RNLS: variants seen among roughly 807,000 people sequenced by gnomAD.
RNLS encodes renalase, FAD dependent amine oxidase.
A neutral mutation model predicts 39.8 loss-of-function variants in RNLS; 39 were observed. The ratio of observed to expected loss-of-function variants is 0.98; its 90% confidence interval spans 0.76 to 1.28. The LOEUF (loss-of-function observed/expected upper bound fraction) is 1.28, where lower values mean the gene tolerates loss of function less well. Ranked by LOEUF, RNLS falls within the 50% of genes most tolerant of loss-of-function variation. The probability of loss-of-function intolerance (pLI) is 0.00; values close to 1 mark genes in which losing one functional copy is unlikely to be tolerated. For synonymous variants in RNLS, 147 were observed against 150.7 expected, an observed-to-expected ratio of 0.98 and a Z score of 0.18; for missense variants, 410 against 413.3, an observed-to-expected ratio of 0.99 and a Z score of 0.07.
At chr10:88,264,148 A>G in the RNLS span, among the ~76,000 whole-genome samples, 1 of 152,170 alleles carries the variant, frequency 6.6e-6, no homozygotes, top group Non-Finnish European at 1.5e-5. Context: ...GAATATCATT[A>G]TTTCATTCCT....
chr10:88,407,799 T>G (rs1296922585), intron 4 of RNLS, among the ~76,000 whole-genome samples: 2 of 152,110 alleles, frequency 1.3e-5, no homozygotes, highest in African/African-American at 4.8e-5. Flanking sequence ...TTATTAGTAT[T>G]TGCTCTGTAG....
At chr10:88,280,450 T>C (rs1415686778), downstream of RNLS, among the ~76,000 whole-genome samples, 6 of 152,178 alleles carry the variant, frequency 3.9e-5, no homozygotes, top group Non-Finnish European at 7.4e-5. Flanking sequence ...TAAGATCATA[T>C]TTACGTAAAG....
At chr10:88,372,293 A>G (rs149601448) in intron 4 of RNLS, among the ~76,000 whole-genome samples, 50 of 152,156 alleles carry the variant, frequency 3.3e-4, no homozygotes, top group African/African-American at 1.1e-3. Context: ...CTGATTCCCT[A>G]TCTTTTTAAT....
At chr10:88,173,296 A>G in the RNLS span, among the ~76,000 whole-genome samples, 2 of 152,146 alleles carry the variant, frequency 1.3e-5, no homozygotes, top group African/African-American at 4.8e-5. Flanking sequence ...TTGGCTGTGA[A>G]TGCATTGACT....
chr10:88,459,466 G>T (rs1564816802), intron 4 of RNLS, among the ~76,000 whole-genome samples: 2 of 152,066 alleles, frequency 1.3e-5, no homozygotes, highest in African/African-American at 4.8e-5. Flanking sequence ...AAAGCAGTTT[G>T]CTCTTTTTGT....
intron 4 of RNLS, among the ~76,000 whole-genome samples, chr10:88,525,240 C>T (rs1009449111): frequency 1.3e-5 from 2 of 151,330 alleles, no homozygotes; most frequent in African/African-American, 4.9e-5. Flanking sequence ...GAAATATATT[C>T]TATGGAACAC....
chr10:88,190,962 C>T, the RNLS span, among the ~76,000 whole-genome samples: 1 of 152,230 alleles, frequency 6.6e-6, no homozygotes, highest in Non-Finnish European at 1.5e-5. Context: ...GGCCAAGTGA[C>T]AGGCTTGTTC....
chr10:88,323,941 C>T (rs1589552850), intron 5 of RNLS, among the ~76,000 whole-genome samples: 1 of 152,094 alleles, frequency 6.6e-6, no homozygotes, highest in East Asian at 1.9e-4. Flanking sequence ...AGATACTTCT[C>T]AAAAGAAGAC....
chr10:88,228,496 GA>G, the RNLS span, among the ~76,000 whole-genome samples: 3 of 152,190 alleles, frequency 2.0e-5, no homozygotes, highest in East Asian at 5.8e-4. Context: ...AGGACGCTGG[GA>G]AGTACCATTT....
At chr10:88,498,070 T>A (rs1252194602) in intron 4 of RNLS, among the ~76,000 whole-genome samples, 1 of 151,876 alleles carries the variant, frequency 6.6e-6, no homozygotes, top group Non-Finnish European at 1.5e-5. Flanking sequence ...ATTTACATAG[T>A]TTCAAAATAT....
chr10:88,330,204 A>C (rs2133156419), intron 5 of RNLS, among the ~76,000 whole-genome samples: 2 of 150,678 alleles, frequency 1.3e-5, no homozygotes, highest in East Asian at 3.9e-4. Context: ...ATATATTTCT[A>C]TTGTGAGCTC....
intron 4 of RNLS, among the ~76,000 whole-genome samples, chr10:88,534,443 AAAT>A (rs1847626889): frequency 6.6e-6 from 1 of 152,146 alleles, no homozygotes; most frequent in South Asian, 2.1e-4. Context: ...CAATTATAAG[AAAT>A]AATAAAAAAT....
intron 4 of RNLS, among the ~76,000 whole-genome samples, chr10:88,519,973 T>C (rs371929186): frequency 6.6e-6 from 1 of 152,076 alleles, no homozygotes; most frequent in Non-Finnish European, 1.5e-5. Context: ...CAATCTCCTG[T>C]TGCATTCTGG....
At chr10:88,297,718 T>C (rs901954732) in intron 6 of RNLS, among the ~76,000 whole-genome samples, 5 of 152,220 alleles carry the variant, frequency 3.3e-5, no homozygotes, top group Admixed American at 6.6e-5. Context: ...GGATATAATA[T>C]ATATTGTTTA....
rs527622063 is a variant in RNLS at position 88,569,158 on chromosome 10, C to T, written c.526+3745G>A. Among the ~76,000 whole-genome samples the T allele has an allele frequency of 2.6e-5, 4 of 152,236 alleles. No individual in the cohort carries two copies. In the South Asian group the frequency reaches 8.3e-4, roughly 32 times the overall value. ...TGTCAGGCTTGGGAATAGCTATTAC[C>T]AAGCAATTTTTCTAAGAAACTTTTG... On this transcript the variant is annotated intron_variant, in intron 4 of 6. Transcript: ENST00000331772.
chr10:88,244,900 G>A, the RNLS span, among the ~76,000 whole-genome samples: 1 of 152,098 alleles, frequency 6.6e-6, no homozygotes, highest in South Asian at 2.1e-4. Flanking sequence ...AGCTAATGCT[G>A]GGTAGCAAGG....
the RNLS span, among the ~76,000 whole-genome samples, chr10:88,232,779 C>T: frequency 6.6e-6 from 1 of 152,240 alleles, no homozygotes; most frequent in Non-Finnish European, 1.5e-5. Flanking sequence ...TCTACAAGTG[C>T]TTGACAGCCT....
At chr10:88,458,960 G>C (rs911391920) in intron 4 of RNLS, among the ~76,000 whole-genome samples, 15 of 152,108 alleles carry the variant, frequency 9.9e-5, no homozygotes, top group African/African-American at 3.1e-4. Flanking sequence ...AAGAAAGAAG[G>C]GCAGACTACC....
chr10:88,492,544 G>A (rs898548826), intron 4 of RNLS, among the ~76,000 whole-genome samples: 7 of 150,348 alleles, frequency 4.7e-5, no homozygotes, highest in Non-Finnish European at 8.9e-5. Context: ...TCAGCCTCCC[G>A]AGTAGCTAGG....
Sources: gnomAD v4.1 joint callset for allele counts (sites outside exome capture counted in the v4.1 genomes callset) on GRCh38, gnomAD v4.1.1 for gene constraint, MANE v1.5 for transcripts, NCBI Gene and HGNC (gene_info 2026-07-23, HGNC 2026-07-21) for gene names.